Variants in DNAJC1 observed in about 807,000 individuals in gnomAD.
DNAJC1 encodes DnaJ heat shock protein family (Hsp40) member C1.
Under a neutral mutation model 76.6 loss-of-function variants are expected in DNAJC1, and 58 were observed. The observed-to-expected ratio is 0.76, with a 90% CI of 0.61 to 0.94. The LOEUF is 0.94. DNAJC1 is among the 40% of genes least tolerant of loss of function. The probability of loss-of-function intolerance (pLI) is 0.00; values close to 1 mark genes in which losing one functional copy is unlikely to be tolerated. For synonymous variants in DNAJC1, 258 were observed against 267.9 expected (o/e 0.96, Z 0.36); for missense variants, 689 against 677.3 (o/e 1.02, Z -0.19).
intron 8 of DNAJC1, among the ~76,000 whole-genome samples, chr10:21,811,051 C>A (rs1280808956): frequency 6.6e-6 from 1 of 152,186 alleles, no homozygotes; most frequent in Non-Finnish European, 1.5e-5. Context: ...ATTGAAACTG[C>A]ACCCTACTTT....
At chr10:21,758,544 C>A (rs1564778386) in intron 11 of DNAJC1, among the ~76,000 whole-genome samples, 1 of 152,254 alleles carries the variant, frequency 6.6e-6, no homozygotes, top group Non-Finnish European at 1.5e-5. Context: ...AGGCCAACTA[C>A]AAACGGCCAC....
At chr10:21,955,850 A>G (rs1837670487) in intron 1 of DNAJC1, among the ~76,000 whole-genome samples, 1 of 152,240 alleles carries the variant, frequency 6.6e-6, no homozygotes, top group Non-Finnish European at 1.5e-5. Flanking sequence ...AACATAGAAA[A>G]TAACAAATTC....
chr10:22,002,822 T>G (rs773996214), intron 1 of DNAJC1, among the ~76,000 whole-genome samples: 10 of 151,268 alleles, frequency 6.6e-5, no homozygotes, highest in Non-Finnish European at 1.5e-4. Context: ...TTTCTCACAT[T>G]CAGGGGGACA....
intron 1 of DNAJC1, among the ~76,000 whole-genome samples, chr10:21,964,000 T>A (rs1041199185): frequency 6.6e-6 from 1 of 152,222 alleles, no homozygotes; most frequent in Non-Finnish European, 1.5e-5. Context: ...CCCCACACAT[T>A]TTTGGAAGTC....
In DNAJC1 at chr10:21,910,395, C is replaced by T. The variant is rs147737873; in HGVS notation, c.730-5783G>A. ...CTCCCAAAGTGCTGGTGTGAGCCACCGCACCCGGACACCCTTTAACATTCT... is the reference window on the plus strand; with the variant it reads ...CTCCCAAAGTGCTGGTGTGAGCCACTGCACCCGGACACCCTTTAACATTCT... On this transcript the variant is annotated intron_variant, in intron 6 of 11. Coordinates refer to ENST00000376980, the MANE Select transcript of DNAJC1 (RefSeq NM_022365.4). Among the ~76,000 whole-genome samples, 5 of 152,186 alleles carry T rather than the reference C, an allele frequency of 3.3e-5. No homozygotes were observed. The East Asian group carries it at 5.8e-4, about 18-fold the overall frequency.
intron 7 of DNAJC1, among the ~76,000 whole-genome samples, chr10:21,885,003 T>C (rs1836346859): frequency 6.6e-6 from 1 of 151,970 alleles, no homozygotes; most frequent in African/African-American, 2.4e-5. Flanking sequence ...CAGGATCAAA[T>C]CCACACATAT....
At chr10:21,879,826 T>C (rs1244626443) in intron 8 of DNAJC1, among the ~76,000 whole-genome samples, 1 of 152,194 alleles carries the variant, frequency 6.6e-6, no homozygotes, top group Non-Finnish European at 1.5e-5. Flanking sequence ...TTCATGTTAG[T>C]GGCTGCTGAC....
chr10:21,829,601 C>T (rs1015924077), intron 8 of DNAJC1, among the ~76,000 whole-genome samples: 4 of 152,212 alleles, frequency 2.6e-5, no homozygotes, highest in Non-Finnish European at 1.5e-5. Context: ...ATCCACCTGC[C>T]TCGGCCTCCC....
chr10:21,944,172 T>G (rs1431707568), intron 1 of DNAJC1, among the ~76,000 whole-genome samples: 2 of 145,950 alleles, frequency 1.4e-5, no homozygotes, highest in Non-Finnish European at 3.0e-5. Context: ...ACATAAAGGT[T>G]TTTTTTTTTT....
At chr10:21,881,844 T>TA (rs1002377641) in intron 8 of DNAJC1, among the ~76,000 whole-genome samples, 7,043 of 55,354 alleles carry the variant, frequency 0.13, 597 homozygotes, top group African/African-American at 0.22. Flanking sequence ...CCTCAATTTG[T>TA]AAAAAAAAAA....
chr10:21,866,881 T>A (rs1836009757), intron 8 of DNAJC1, among the ~76,000 whole-genome samples: 1 of 152,146 alleles, frequency 6.6e-6, no homozygotes, highest in African/African-American at 2.4e-5. Context: ...AACATCCTCA[T>A]GTGTTTGTAA....
At chr10:21,904,434 T>A in intron 7 of DNAJC1, 88 bp downstream of exon 7, 1 of 885,460 alleles carries the variant, frequency 1.1e-6, no homozygotes. Flanking sequence ...AACCAGAAAA[T>A]TTAATTACTG....
intron 8 of DNAJC1, among the ~76,000 whole-genome samples, chr10:21,821,059 T>C (rs1428891094): frequency 1.3e-5 from 2 of 152,112 alleles, no homozygotes; most frequent in African/African-American, 4.8e-5. Flanking sequence ...ATAGACTGAG[T>C]AGGGAAACCC....
intron 9 of DNAJC1, among the ~76,000 whole-genome samples, chr10:21,781,831 G>A (rs1589978013): frequency 2.0e-5 from 3 of 151,456 alleles, no homozygotes; most frequent in East Asian, 1.9e-4. Flanking sequence ...GCAGAAATAA[G>A]TATGTTCTTT....
intron 6 of DNAJC1, among the ~76,000 whole-genome samples, chr10:21,908,169 T>C (rs1312012240): frequency 9.6e-6 from 1 of 104,090 alleles, no homozygotes; most frequent in African/African-American, 4.4e-5. Context: ...TAAAAATATA[T>C]AATATATAAT....
intron 9 of DNAJC1, among the ~76,000 whole-genome samples, chr10:21,779,539 CTG>C (rs1834500348): frequency 6.6e-6 from 1 of 152,196 alleles, no homozygotes; most frequent in African/African-American, 2.4e-5. Flanking sequence ...AGGGTCCTGA[CTG>C]TTAAAAGGAA....
chr10:21,830,792 T>A lies in DNAJC1; in HGVS notation c.979-24693A>T, dbSNP rs1461472607. Among the ~76,000 whole-genome samples, 3 of 152,242 alleles carry A rather than the reference T, an allele frequency of 2.0e-5. No individual in the cohort carries two copies. The South Asian group carries it at 6.2e-4, about 31-fold the overall frequency. The stretch of plus-strand genomic sequence containing the variant: ...CATTCTGGATGATTTGACCAGATCA[T>A]CTTCTAACTCATGAATTCTCATTTT... On this transcript the variant is annotated intron_variant, in intron 8 of 11. Coordinates refer to ENST00000376980, the MANE Select transcript of DNAJC1 (RefSeq NM_022365.4).
chr10:21,951,187 G>A (rs1390671204), intron 1 of DNAJC1, among the ~76,000 whole-genome samples: 2 of 152,102 alleles, frequency 1.3e-5, no homozygotes, highest in African/African-American at 2.4e-5. Flanking sequence ...GGGCGTTGTG[G>A]TACGCACCTG....
chr10:21,816,796 T>C (rs1296699437), intron 8 of DNAJC1, among the ~76,000 whole-genome samples: 2 of 139,494 alleles, frequency 1.4e-5, no homozygotes, highest in Admixed American at 7.1e-5. Flanking sequence ...CCACCCGCCT[T>C]GGCCTCCCAA....
Sources: allele counts gnomAD v4.1 joint callset (sites outside exome capture counted in the v4.1 genomes callset), GRCh38; gene constraint gnomAD v4.1.1; transcripts MANE v1.5; gene names NCBI Gene and HGNC (gene_info 2026-07-23, HGNC 2026-07-21).